The following ADGB variants were observed in gnomAD, a reference collection of about 807,000 sequenced individuals.
ADGB encodes calpain-7-like protein.
ADGB carries 172 observed loss-of-function variants against 210.5 expected under a neutral mutation model. That is an observed-to-expected ratio of 0.82 (90% CI 0.72 to 0.93). The LOEUF is 0.93. Ranked by LOEUF, ADGB falls within the 40% of genes least tolerant of loss-of-function variation. The pLI, the probability that ADGB is intolerant of heterozygous loss-of-function variation, is 0.00. For missense variants in ADGB, 2,025 were observed against 1,964.8 expected (o/e 1.03, Z -0.58); for synonymous variants, 658 against 662.7 (o/e 0.99, Z 0.11).
intron 29 of ADGB, among the ~76,000 whole-genome samples, chr6:146,777,268 T>C (rs1463646859): frequency 6.6e-6 from 1 of 152,110 alleles, no homozygotes; most frequent in Admixed American, 6.6e-5. Flanking sequence ...GAGTAAATTA[T>C]ATAACTTCTC....
At chr6:146,674,099 T>C (rs557460912) in intron 8 of ADGB, among the ~76,000 whole-genome samples, 1 of 152,264 alleles carries the variant, frequency 6.6e-6, no homozygotes, top group Non-Finnish European at 1.5e-5. Context: ...TTAAATATTG[T>C]GGGAAGATGA....
In ADGB at chr6:146,731,538, T is replaced by TA. The variant is rs1776987376; in HGVS notation, c.2521-1581dup. On this transcript the variant is annotated intron_variant, in intron 20 of 35. Coordinates refer to ENST00000397944, the MANE Select transcript of ADGB (RefSeq NM_024694.4). ...GATGGGTGCAGGATCTTGGCTACCT[T>TA]ACTGTAGCCAAGCCATGGTTGCTGC... Among the ~76,000 whole-genome samples, 3 of 152,202 alleles carry TA rather than the reference T, an allele frequency of 2.0e-5. No individual in the cohort carries two copies. The South Asian group carries it at 6.2e-4, about 32-fold the overall frequency.
At chr6:146,606,488 G>C (rs1442429351) in intron 1 of ADGB, among the ~76,000 whole-genome samples, 1 of 152,072 alleles carries the variant, frequency 6.6e-6, no homozygotes, top group Non-Finnish European at 1.5e-5. Context: ...TGTCCAGAAT[G>C]GTATCTCCTA....
intron 20 of ADGB, among the ~76,000 whole-genome samples, 199 bp downstream of exon 20, chr6:146,728,940 A>T (rs1330293575): frequency 1.3e-5 from 2 of 152,214 alleles, no homozygotes; most frequent in Non-Finnish European, 2.9e-5. Flanking sequence ...TGATTAAAGG[A>T]CATGACAACT....
chr6:146,613,951 G>A lies in ADGB; in HGVS notation c.74+14837G>A, dbSNP rs541748303. On this transcript the variant is annotated intron_variant, in intron 1 of 35. Transcript: ENST00000397944. ...TGTATAAAGACAATTTTCACCTTTC[G>A]CAACTCCAGATTATGTAGGATATTT... 2.7e-3 allele frequency among the ~76,000 whole-genome samples: 404 copies of A among 151,452 alleles called. 2 individuals are homozygous for A. Among genetic ancestry groups the A allele is most frequent in the African/African-American group, 5.9e-3 (244 of 41,306 alleles).
At chr6:146,684,250 G>A (rs1268419996) in intron 9 of ADGB, among the ~76,000 whole-genome samples, 2 of 152,080 alleles carry the variant, frequency 1.3e-5, no homozygotes, top group Admixed American at 1.3e-4. Flanking sequence ...TCTTCCTTGA[G>A]CAGAAAGTTC....
At chr6:146,672,071 A>G in intron 7 of ADGB, 149 bp from the exon 8 acceptor site, 1 of 1,080,114 alleles carries the variant, frequency 9.3e-7, no homozygotes, top group Non-Finnish European at 1.3e-6. Context: ...TGTCTAATAC[A>G]TAATGCTGTT....
chr6:146,671,782 G>A (rs577113970), intron 7 of ADGB, among the ~76,000 whole-genome samples: 5 of 152,170 alleles, frequency 3.3e-5, no homozygotes, highest in Non-Finnish European at 5.9e-5. Context: ...AAAGAGGGAT[G>A]TTATGGAAGC....
chr6:146,649,596 T>C (rs1583574276), intron 3 of ADGB, among the ~76,000 whole-genome samples: 1 of 151,798 alleles, frequency 6.6e-6, no homozygotes, highest in Admixed American at 6.6e-5. Context: ...GCTCAGGTGG[T>C]CCTTCCACCT....
Position 146,635,437 on chromosome 6 carries a change from C to G in ADGB, c.137C>G (p.Pro46Arg), listed in dbSNP as rs1222168480. ...GSTEQKKGKF[P>R]LWPEWSEADI... ...ACTGAACAAAAGAAGGGGAAATTCC[C>G]ACTCTGGCCAGAGTGGAGTGAAGCT... The change falls in exon 2 of 36, where the codon CCA (proline) becomes CGA (arginine). Residue 46 changes from proline (P) to arginine (R), a missense_variant. Physicochemically the swap from Pro to Arg is moderately radical, Grantham distance 103. Transcript: ENST00000397944. 1.9e-6 allele frequency: 3 copies of G among 1,546,792 alleles called. No individual in the cohort carries two copies. The highest frequency in any genetic ancestry group is 2.6e-6 in the Non-Finnish European group (3 of 1,144,462).
intron 29 of ADGB, among the ~76,000 whole-genome samples, chr6:146,779,921 A>C (rs1777775632): frequency 6.6e-6 from 1 of 151,664 alleles, no homozygotes; most frequent in Non-Finnish European, 1.5e-5. Context: ...AAAGTGTACC[A>C]GTAAAACTAC....
rs1418972805 is a variant in ADGB, at chr6:146,706,850, T to TTG, written c.1707+5781_1707+5782insGT. 7.0e-4 allele frequency among the ~76,000 whole-genome samples: 106 copies of TTG among 150,526 alleles called. No individual in the cohort carries two copies. The Middle Eastern group carries it at 0.01, about 15-fold the overall frequency. On this transcript the variant is annotated intron_variant, in intron 13 of 35. Coordinates refer to ENST00000397944, the MANE Select transcript of ADGB (RefSeq NM_024694.4). ...TTTTCAAAGATCAGCTTAGTGTTTT[T>TTG]TTTTTTTTTTTTACTTTTCTTGTTT...
rs1562284511 is a variant in ADGB, at chr6:146,726,185, C to T, written c.2340C>T (p.Pro780=). The T allele has an allele frequency of 1.3e-6, 2 of 1,543,126 alleles. No individual in the cohort carries two copies. The highest frequency in any genetic ancestry group is 1.8e-6 in the Non-Finnish European group (2 of 1,139,762). ...TTGGGGATGAACACGTTGTACTGCC[C>T]AACTTTGAACCAGTAAGTATTTTTG... The part of the protein sequence containing the change: ...FVIGDEHVVL[P]NFEPESCRFT... Residue 780 remains proline (P), a synonymous_variant, in exon 19 of 36, where the codon CCC becomes CCT. Coordinates refer to ENST00000397944, the MANE Select transcript of ADGB (RefSeq NM_024694.4).
intron 25 of ADGB, among the ~76,000 whole-genome samples, chr6:146,744,650 T>G (rs778134214): frequency 2.6e-5 from 4 of 152,082 alleles, no homozygotes; most frequent in Non-Finnish European, 5.9e-5. Context: ...TTTGCTCTAT[T>G]TTTTTTCATA....
At chr6:146,639,237 G>A (rs1188493794) in intron 2 of ADGB, 1 of 152,788 alleles carries the variant, frequency 6.5e-6, no homozygotes, top group Non-Finnish European at 1.5e-5. Context: ...ATTTAGAGGT[G>A]GCGAAAGAAT....
intron 29 of ADGB, among the ~76,000 whole-genome samples, chr6:146,771,448 T>A (rs951128760): frequency 6.6e-6 from 1 of 152,168 alleles, no homozygotes; most frequent in African/African-American, 2.4e-5. Context: ...TCTCTATATG[T>A]TTTTCCCGTC....
chr6:146,709,598 T>G (rs999821657), intron 13 of ADGB, among the ~76,000 whole-genome samples: 5 of 152,186 alleles, frequency 3.3e-5, no homozygotes, highest in African/African-American at 1.2e-4. Context: ...AGTACCAGCT[T>G]CTGCAAGGGT....
At chr6:146,607,527 G>A (rs1442974704) in intron 1 of ADGB, among the ~76,000 whole-genome samples, 2 of 152,054 alleles carry the variant, frequency 1.3e-5, no homozygotes, top group African/African-American at 4.8e-5. Context: ...GCTGGCTGTA[G>A]TTTTTCATAA....
intron 7 of ADGB, among the ~76,000 whole-genome samples, chr6:146,670,379 G>A (rs934691579): frequency 6.6e-6 from 1 of 152,116 alleles, no homozygotes; most frequent in Non-Finnish European, 1.5e-5. Flanking sequence ...CCATTTACTG[G>A]TCACCCAAGT....
Sources: gnomAD v4.1 joint callset for allele counts (sites outside exome capture counted in the v4.1 genomes callset) on GRCh38, gnomAD v4.1.1 for gene constraint, MANE v1.5 for transcripts, NCBI Gene and HGNC (gene_info 2026-07-23, HGNC 2026-07-21) for gene names.